The following CCSER2 variants were observed in gnomAD, a reference collection of about 807,000 sequenced individuals.
CCSER2 encodes the protein serine-rich coiled-coil domain-containing protein 2.
Under a neutral mutation model 92.3 loss-of-function variants are expected in CCSER2, and 46 were observed. That is an observed-to-expected ratio of 0.50 (90% confidence interval 0.39 to 0.64). The LOEUF (loss-of-function observed/expected upper bound fraction) is 0.64. CCSER2 is among the 30% of genes least tolerant of loss of function. CCSER2 has a pLI of 0.00. For missense variants in CCSER2, 1,244 were observed against 1,238.9 expected (o/e 1.00, Z -0.06); for synonymous variants, 433 against 431.4 (o/e 1.00, Z -0.04).
intron 1 of CCSER2, among the ~76,000 whole-genome samples, chr10:84,355,049 T>G (rs1845084863): frequency 1.3e-5 from 2 of 152,154 alleles, no homozygotes; most frequent in Non-Finnish European, 1.5e-5. Flanking sequence ...ACCTTTTTGC[T>G]ACAATCTTTG....
Position 84,378,364 on chromosome 10 carries a change from T to C in CCSER2, c.1614+4549T>C, listed in dbSNP as rs576393051. Among the ~76,000 whole-genome samples the C allele has an allele frequency of 2.2e-4, 34 of 151,914 alleles. 2 individuals carry two copies. The South Asian group carries it at 4.8e-3, about 21-fold the overall frequency. ...ATACATTCACTTGGTCGTGATGTAT[T>C]ATCTTTTCAAATGTTGTTAAACTAG... is the stretch of plus-strand genomic sequence containing the variant. On this transcript the variant is annotated intron_variant, in intron 3 of 9. Transcript: ENST00000372088.
chr10:84,458,255 C>A (rs553092858), intron 6 of CCSER2, among the ~76,000 whole-genome samples: 1 of 152,088 alleles, frequency 6.6e-6, no homozygotes, highest in African/African-American at 2.4e-5. Context: ...ATTTTTATCA[C>A]GTGTATGTTC....
intron 9 of CCSER2, among the ~76,000 whole-genome samples, chr10:84,482,367 G>A (rs986557417): frequency 2.6e-5 from 4 of 152,194 alleles, no homozygotes; most frequent in African/African-American, 9.7e-5. Context: ...TGATATTACT[G>A]TGAATACTGC....
At chr10:84,369,422 T>C (rs1189423670) in intron 1 of CCSER2, among the ~76,000 whole-genome samples, 1 of 152,144 alleles carries the variant, frequency 6.6e-6, no homozygotes, top group Non-Finnish European at 1.5e-5. Flanking sequence ...ATTAGTGATG[T>C]TGAGCATTTT....
At chr10:84,440,852 A>G (rs1163631248) in intron 6 of CCSER2, among the ~76,000 whole-genome samples, 1 of 152,210 alleles carries the variant, frequency 6.6e-6, no homozygotes, top group African/African-American at 2.4e-5. Context: ...TCCCTTAGAA[A>G]TTTGAGGGCA....
At chr10:84,389,226 G>A (rs886369346) in intron 3 of CCSER2, 8 of 446,150 alleles carry the variant, frequency 1.8e-5, no homozygotes, top group African/African-American at 1.2e-4. Flanking sequence ...TGAGGGTGGC[G>A]GCCATCAGCA....
chr10:84,451,363 C>A (rs1845281569), intron 6 of CCSER2, among the ~76,000 whole-genome samples: 1 of 151,156 alleles, frequency 6.6e-6, no homozygotes, highest in Non-Finnish European at 1.5e-5. Flanking sequence ...GTACTGCAGC[C>A]TCAAACTTCT....
intron 5 of CCSER2, 82 bp from the exon 6 acceptor site, chr10:84,438,430 C>G: frequency 1.3e-6 from 1 of 796,864 alleles, no homozygotes; most frequent in Non-Finnish European, 2.0e-6. Flanking sequence ...GTAATAATCA[C>G]TGCAATAATT....
chr10:84,448,022 C>G (rs1845035678), intron 6 of CCSER2, among the ~76,000 whole-genome samples: 1 of 152,082 alleles, frequency 6.6e-6, no homozygotes, highest in African/African-American at 2.4e-5. Context: ...TTCCGTGTAC[C>G]CTTTTCTCAT....
At chr10:84,481,878 C>G (rs1847478677) in intron 9 of CCSER2, among the ~76,000 whole-genome samples, 2 of 152,112 alleles carry the variant, frequency 1.3e-5, no homozygotes, top group African/African-American at 4.8e-5. Context: ...GCGGCACAGT[C>G]CTATACAACT....
chr10:84,388,062 A>G (rs1841321551), intron 3 of CCSER2, among the ~76,000 whole-genome samples: 1 of 151,664 alleles, frequency 6.6e-6, no homozygotes, highest in African/African-American at 2.4e-5. Context: ...ACGTGGTTTC[A>G]CCATGCTGGC....
chr10:84,425,666 C>A, intron 4 of CCSER2, 65 bp from the exon 5 acceptor site: 1 of 1,102,088 alleles, frequency 9.1e-7, no homozygotes, highest in Non-Finnish European at 1.2e-6. Context: ...AATTATCAAG[C>A]TATAAGAGTC....
chr10:84,404,268 A>G (rs1842266094), intron 3 of CCSER2, among the ~76,000 whole-genome samples: 1 of 152,194 alleles, frequency 6.6e-6, no homozygotes, highest in Non-Finnish European at 1.5e-5. Context: ...AACCCCTTCG[A>G]AACAAACTTA....
chr10:84,340,509 C>G (rs1162195267), intron 1 of CCSER2, among the ~76,000 whole-genome samples: 1 of 152,072 alleles, frequency 6.6e-6, no homozygotes, highest in Non-Finnish European at 1.5e-5. Flanking sequence ...CAGTCATATC[C>G]TAAAGTCTTA....
intron 9 of CCSER2, among the ~76,000 whole-genome samples, chr10:84,492,631 A>T (rs1043453224): frequency 6.6e-6 from 1 of 152,164 alleles, no homozygotes; most frequent in South Asian, 2.1e-4. Flanking sequence ...TATCAAGTTG[A>T]AGTAGTTTCC....
intron 1 of CCSER2, among the ~76,000 whole-genome samples, chr10:84,354,666 G>T (rs1390454458): frequency 6.7e-6 from 1 of 149,196 alleles, no homozygotes; most frequent in Non-Finnish European, 1.5e-5. Flanking sequence ...TGGGAAATTT[G>T]ACCATCGTTC....
At chr10:84,411,568 C>T (rs1842651317) in intron 3 of CCSER2, among the ~76,000 whole-genome samples, 1 of 152,016 alleles carries the variant, frequency 6.6e-6, no homozygotes. Context: ...CTTTTTGTGG[C>T]AGTTATGAAT....
At position 84,513,886 on chromosome 10, in the gene CCSER2, G is replaced by C; in HGVS notation, c.2763G>C (p.Gln921His). 2.6e-6 allele frequency: 4 copies of C among 1,536,392 alleles called. No homozygotes were observed. The change falls in exon 10 of 10, where the codon CAG (glutamine) becomes CAC (histidine). Residue 921 changes from glutamine to histidine, a missense_variant. Physicochemically the swap from Gln to His is conservative, Grantham distance 24. Transcript: ENST00000372088. ...VGYMSQPKSLQLLKPSILSSL... is the reference protein window; with the variant it reads ...VGYMSQPKSLHLLKPSILSSL... ...ATATGTCTCAGCCCAAGTCCTTGCA[G>C]CTTTTAAAGCCATCCATATTGAGTT...
Position 84,432,076 on chromosome 10 carries a change from A to G in CCSER2, c.1868+6183A>G, listed in dbSNP as rs552806123. On this transcript the variant is annotated intron_variant, in intron 5 of 9. Transcript: ENST00000372088. Reference sequence around the variant, plus strand: ...CATATCCTCATCAGCATTTGGTACTATGCTTTGGACATTAACTATTAGGTA... The same window carrying G: ...CATATCCTCATCAGCATTTGGTACTGTGCTTTGGACATTAACTATTAGGTA... 3.3e-5 allele frequency among the ~76,000 whole-genome samples: 5 copies of G among 152,294 alleles called. No homozygotes were observed. In the South Asian group the frequency reaches 6.2e-4, roughly 19 times the overall value.
Sources: gnomAD v4.1 joint callset for allele counts (sites outside exome capture counted in the v4.1 genomes callset) on GRCh38, gnomAD v4.1.1 for gene constraint, MANE v1.5 for transcripts, NCBI Gene and HGNC (gene_info 2026-07-23, HGNC 2026-07-21) for gene names.